Variants in CPLANE1 observed in about 807,000 individuals in gnomAD.
CPLANE1 encodes ciliogenesis and planar polarity effector complex subunit 1, also known as ciliogenesis and planar polarity effector 1.
CPLANE1 carries 263 observed loss-of-function variants against 362.5 expected under a neutral mutation model. The observed-to-expected ratio is 0.73, with a 90% confidence interval of 0.66 to 0.80. The LOEUF is 0.80. CPLANE1 is among the 30% of genes least tolerant of loss of function. CPLANE1 has a pLI of 0.00. For synonymous variants in CPLANE1, 1,212 were observed against 1,302.6 expected (o/e 0.93, Z 1.50); for missense variants, 3,461 against 3,793.4 (o/e 0.91, Z 2.30).
rs769862789 is a variant in CPLANE1, at chr5:37,120,192, T to C, written c.9310+24A>G. ...AAGGAATAGGTCCAAATCAGACAAT[T>C]TATAAAAAAGCTTTAAGTCTTACCA... is the stretch of plus-strand genomic sequence containing the variant. On this transcript the variant is annotated intron_variant, in intron 50 of 52. Transcript: ENST00000651892. The C allele has an allele frequency of 2.5e-6, 4 of 1,586,444 alleles. No individual in the cohort carries two copies. The African/African-American group carries it at 5.5e-5, about 22-fold the overall frequency.
At position 37,167,172 on chromosome 5, in the gene CPLANE1, C is replaced by T. The variant is rs137899908; in HGVS notation, c.7275G>A (p.Ala2425=). The T allele has an allele frequency of 5.7e-4, 918 of 1,612,968 alleles. No homozygotes were observed. Among genetic ancestry groups the T allele is most frequent in the Non-Finnish European group, 7.4e-4 (871 of 1,179,738 alleles). The change falls in exon 35 of 53, where the codon GCG becomes GCA. Residue 2425 remains alanine (A), a synonymous_variant. Transcript: ENST00000651892. ...TTAGTTTCTGTTGGCTTTGTTTAAACGCAATGAGGTTTTCAAGTGGGATAA... is the reference window on the plus strand; with the variant it reads ...TTAGTTTCTGTTGGCTTTGTTTAAATGCAATGAGGTTTTCAAGTGGGATAA... The part of the protein sequence containing the change: ...TQLIPLENLI[A]FKQSQQKLTH...
chr5:37,183,245 T>A lies in CPLANE1; in HGVS notation c.4936A>T (p.Lys1646Ter). The A allele has an allele frequency of 6.2e-7, 1 of 1,612,626 alleles. No homozygotes were observed. The highest frequency in any genetic ancestry group is 8.5e-7 in the Non-Finnish European group (1 of 1,179,628). Residue 1646 changes from lysine to a stop codon, truncating the protein, a stop_gained, in exon 26 of 53, where the codon AAA becomes TAA. Coordinates refer to ENST00000651892, the MANE Select transcript of CPLANE1 (RefSeq NM_001384732.1). LOFTEE classifies it high-confidence loss of function. Reference sequence around the variant, plus strand: ...TTAACCAGTACTGATGATGAAAGTTTCTGGTTTTCTAAATGCATGCCATAT... The same window carrying A: ...TTAACCAGTACTGATGATGAAAGTTACTGGTTTTCTAAATGCATGCCATAT... Reference protein sequence around the residue: ...DEYGMHLENQKLSSSVLVNQG... With the variant: ...DEYGMHLENQ
Position 37,173,733 on chromosome 5 carries a change from A to G in CPLANE1, c.6171+22T>C, listed in dbSNP as rs1780421503. 17 of 1,585,110 alleles carry G rather than the reference A, an allele frequency of 1.1e-5. No individual in the cohort carries two copies. The East Asian group carries it at 3.8e-4, about 36-fold the overall frequency. ...ATGTACACTATGTGTAGATTTACTTACTTATATAGAGATGTGCTTACCTGA... is the reference window on the plus strand; with the variant it reads ...ATGTACACTATGTGTAGATTTACTTGCTTATATAGAGATGTGCTTACCTGA... On this transcript the variant is annotated intron_variant, in intron 32 of 52. Coordinates refer to ENST00000651892, the MANE Select transcript of CPLANE1 (RefSeq NM_001384732.1).
At chr5:37,218,019 T>C (rs1252040311) in intron 15 of CPLANE1, among the ~76,000 whole-genome samples, 1 of 151,958 alleles carries the variant, frequency 6.6e-6, no homozygotes, top group Non-Finnish European at 1.5e-5. Context: ...AGAAACCCTA[T>C]TTAATAAAAA....
intron 18 of CPLANE1, among the ~76,000 whole-genome samples, chr5:37,204,722 G>A (rs530942830): frequency 2.7e-5 from 4 of 149,782 alleles, no homozygotes; most frequent in East Asian, 1.9e-4. Flanking sequence ...GTAACACTGC[G>A]GCATCAAGAA....
chr5:37,172,279 AC>A (rs1211129490), intron 32 of CPLANE1, among the ~76,000 whole-genome samples: 1 of 152,220 alleles, frequency 6.6e-6, no homozygotes, highest in Non-Finnish European at 1.5e-5. Flanking sequence ...CAATGGAAGA[AC>A]AAAACTAAGA....
intron 14 of CPLANE1, among the ~76,000 whole-genome samples, chr5:37,221,818 C>T (rs898770351): frequency 1.3e-5 from 2 of 151,736 alleles, no homozygotes; most frequent in African/African-American, 4.8e-5. Flanking sequence ...TGCTCTTTTT[C>T]ATTTTAAATT....
intron 46 of CPLANE1, chr5:37,130,421 C>T: frequency 4.6e-6 from 1 of 217,132 alleles, no homozygotes; most frequent in South Asian, 7.9e-5. Flanking sequence ...ATGTGAGTAT[C>T]AAAGACAATG....
At chr5:37,211,587 A>C in intron 16 of CPLANE1, 2 of 958,542 alleles carry the variant, frequency 2.1e-6, no homozygotes, top group South Asian at 2.6e-5. Context: ...ACCCCTTCCA[A>C]AAGCAAAAAG....
In CPLANE1 at chr5:37,198,877, TA is replaced by T. The variant is rs1199782931; in HGVS notation, c.3508-12del. ...ATCATCACCATCTTCCTGAGGAAAA[TA>T]AAACAATCCATTTTAGTGGCTAGTA... On this transcript the variant is annotated splice_polypyrimidine_tract_variant and intron_variant, in intron 19 of 52. Transcript: ENST00000651892. 15 of 1,612,152 alleles carry T rather than the reference TA, an allele frequency of 9.3e-6. No homozygotes were observed. The highest frequency in any genetic ancestry group is 1.3e-5 in the Non-Finnish European group (15 of 1,179,024).
rs61112118 is a variant in CPLANE1 at position 37,187,060 on chromosome 5, C to CAAAAAAAAAAAAAAAAAAAAAAAAA, written c.4080+329_4080+353dup. On this transcript the variant is annotated intron_variant, in intron 23 of 52. Transcript: ENST00000651892. The stretch of plus-strand genomic sequence containing the variant: ...TGGGTGACAGAGCGAGACTCCGTCT[C>CAAAAAAAAAAAAAAAAAAAAAAAAA]AAAAAAAAAAAAAAAAAAAAAAAAA... Among the ~76,000 whole-genome samples, 2 of 50,404 alleles carry CAAAAAAAAAAAAAAAAAAAAAAAAA rather than the reference C, an allele frequency of 4.0e-5. 1 individual carries two copies. Among genetic ancestry groups the CAAAAAAAAAAAAAAAAAAAAAAAAA allele is most frequent in the African/African-American group, 1.8e-4 (2 of 11,002 alleles). The allele number at this position is 50,404 out of a possible 152,430, so 33.1% of individuals were successfully genotyped here.
chr5:37,214,950 G>T (rs1021944914), intron 15 of CPLANE1, among the ~76,000 whole-genome samples: 4 of 152,218 alleles, frequency 2.6e-5, no homozygotes, highest in Non-Finnish European at 5.9e-5. Flanking sequence ...TGCAGCTATG[G>T]TTGTCTACCA....
chr5:37,232,753 T>C, intron 8 of CPLANE1, among the ~76,000 whole-genome samples: 1 of 144,032 alleles, frequency 6.9e-6, no homozygotes, highest in Admixed American at 7.4e-5. Context: ...GGCAGGGGGA[T>C]AGCTTGAGCC....
At chr5:37,121,314 T>C (rs1762562672) in intron 49 of CPLANE1, among the ~76,000 whole-genome samples, 1 of 152,164 alleles carries the variant, frequency 6.6e-6, no homozygotes, top group African/African-American at 2.4e-5. Flanking sequence ...AGGCAAATTA[T>C]GGAGGCAAAT....
intron 50 of CPLANE1, among the ~76,000 whole-genome samples, chr5:37,116,752 G>T (rs774655356): frequency 2.0e-5 from 3 of 152,114 alleles, no homozygotes; most frequent in Admixed American, 6.5e-5. Context: ...CTTCATTTAC[G>T]AATGAACTAC....
the CPLANE1 span, among the ~76,000 whole-genome samples, chr5:37,083,073 G>A: frequency 1.3e-5 from 2 of 152,194 alleles, no homozygotes; most frequent in African/African-American, 4.8e-5. Context: ...ATCCCTGGCT[G>A]AGAGACCCAC....
chr5:37,121,472 A>C (rs748760500), intron 49 of CPLANE1, 145 bp downstream of exon 49: 5 of 724,230 alleles, frequency 6.9e-6, no homozygotes, highest in Admixed American at 6.0e-5. Context: ...AGACCTCATG[A>C]TTATGAGGCT....
chr5:37,102,177 GTTTGT>G (rs951955176), downstream of CPLANE1, among the ~76,000 whole-genome samples: 36 of 151,644 alleles, frequency 2.4e-4, no homozygotes, highest in African/African-American at 7.3e-4. Context: ...TGCTGTTGTT[GTTTGT>G]TTTGTTTTTT....
the CPLANE1 span, among the ~76,000 whole-genome samples, chr5:37,089,362 G>GA: frequency 6.6e-6 from 1 of 152,202 alleles, no homozygotes; most frequent in South Asian, 2.1e-4. Flanking sequence ...CCAATGGGGG[G>GA]TTACTCTGCA....
Sources: gnomAD v4.1 joint callset for allele counts (sites outside exome capture counted in the v4.1 genomes callset) on GRCh38, gnomAD v4.1.1 for gene constraint, MANE v1.5 for transcripts, NCBI Gene and HGNC (gene_info 2026-07-23, HGNC 2026-07-21) for gene names.